Variants in TBC1D12 observed in about 807,000 individuals in gnomAD.
TBC1D12 encodes the protein TBC1 domain family member 12, also known as TBC1 domain family, member 12.
A neutral mutation model predicts 86.7 loss-of-function variants in TBC1D12; 56 were observed. The observed-to-expected ratio is 0.65, with a 90% CI of 0.52 to 0.81. TBC1D12 has a LOEUF of 0.81. Ranked by LOEUF, TBC1D12 falls within the 30% of genes least tolerant of loss-of-function variation. The probability of loss-of-function intolerance (pLI) is 0.00; values close to 1 mark genes in which losing one functional copy is unlikely to be tolerated. For synonymous variants in TBC1D12, 421 were observed against 411.7 expected (o/e 1.02, Z -0.27); for missense variants, 1,023 against 1,038.8 (o/e 0.98, Z 0.21).
At chr10:94,415,707 C>A (rs2054990780) in intron 1 of TBC1D12, among the ~76,000 whole-genome samples, 1 of 152,066 alleles carries the variant, frequency 6.6e-6, no homozygotes, top group Non-Finnish European at 1.5e-5. Context: ...GCACTCCAGC[C>A]TGGGCACTCC....
intron 1 of TBC1D12, among the ~76,000 whole-genome samples, chr10:94,403,988 G>T (rs1158132292): frequency 1.3e-5 from 2 of 152,088 alleles, no homozygotes; most frequent in East Asian, 3.9e-4. Context: ...TAGGTTGTTG[G>T]GGGGGTGGTG....
intron 6 of TBC1D12, among the ~76,000 whole-genome samples, chr10:94,504,621 C>A (rs1447242098): frequency 6.6e-6 from 1 of 152,128 alleles, no homozygotes; most frequent in Non-Finnish European, 1.5e-5. Flanking sequence ...TAAAGTCAGT[C>A]AAATATGGTT....
chr10:94,523,315 C>T (rs1392800746), intron 11 of TBC1D12, among the ~76,000 whole-genome samples: 2 of 150,206 alleles, frequency 1.3e-5, no homozygotes, highest in African/African-American at 2.4e-5. Context: ...TGAGTTGTAG[C>T]GAGGGTGTTT....
At chr10:94,449,516 T>C (rs1459377453) in intron 2 of TBC1D12, among the ~76,000 whole-genome samples, 1 of 152,218 alleles carries the variant, frequency 6.6e-6, no homozygotes, top group African/African-American at 2.4e-5. Context: ...TCCTCAGCTC[T>C]TAGATCAAGT....
rs748522296 is a variant in TBC1D12 at position 94,402,720 on chromosome 10, C to T, written c.107C>T (p.Thr36Met). Residue 36 changes from threonine to methionine, a missense_variant, in exon 1 of 13, where the codon ACG (threonine) becomes ATG (methionine). Transcript: ENST00000225235. ...CAGGACAGGAAGGTAATCCGGGCCA[C>T]GGGCGGCTTTGGCGGAGGCGTCGGC... ...VGQDRKVIRA[T>M]GGFGGGVGAV... is the part of the protein sequence containing the mutation. The T allele has an allele frequency of 3.0e-5, 48 of 1,576,110 alleles. No homozygotes were observed. In the East Asian group the frequency reaches 4.4e-4, roughly 15 times the overall value.
intron 9 of TBC1D12, among the ~76,000 whole-genome samples, chr10:94,520,816 C>T (rs370402593): frequency 1.5e-3 from 234 of 152,010 alleles, no homozygotes; most frequent in African/African-American, 5.3e-3. Context: ...CCTGCCACCA[C>T]GCCCGGTTAA....
At chr10:94,457,906 A>G (rs983035857) in intron 2 of TBC1D12, among the ~76,000 whole-genome samples, 8 of 152,136 alleles carry the variant, frequency 5.3e-5, no homozygotes, top group African/African-American at 1.9e-4. Context: ...TTTCATGTGT[A>G]ATGCAAATAC....
intron 11 of TBC1D12, among the ~76,000 whole-genome samples, chr10:94,524,822 AT>A (rs999477364): frequency 5.3e-5 from 8 of 149,694 alleles, no homozygotes; most frequent in African/African-American, 1.7e-4. Flanking sequence ...TCATTAAAAA[AT>A]TTTTTTTTTA....
chr10:94,403,980 G>C (rs1419871535), intron 1 of TBC1D12, among the ~76,000 whole-genome samples: 1 of 152,106 alleles, frequency 6.6e-6, no homozygotes, highest in African/African-American at 2.4e-5. Context: ...CAAACATTTA[G>C]GTTGTTGGGG....
At chr10:94,466,121 A>G (rs905178641) in intron 2 of TBC1D12, among the ~76,000 whole-genome samples, 3 of 151,976 alleles carry the variant, frequency 2.0e-5, no homozygotes, top group African/African-American at 7.2e-5. Flanking sequence ...AATAGCATAT[A>G]GTTGGGTCTT....
At chr10:94,521,233 A>C (rs1886271) in intron 9 of TBC1D12, among the ~76,000 whole-genome samples, 4,400 of 142,906 alleles carry the variant, frequency 0.031, 106 homozygotes, top group South Asian at 0.046. Context: ...AAAAAAAAAA[A>C]AAAACAAAAA....
At chr10:94,517,981 C>T (rs534500045) in intron 9 of TBC1D12, among the ~76,000 whole-genome samples, 104 of 152,060 alleles carry the variant, frequency 6.8e-4, no homozygotes, top group Non-Finnish European at 1.2e-3. Context: ...GGCGAAATCC[C>T]GTCTCTACTA....
intron 1 of TBC1D12, among the ~76,000 whole-genome samples, chr10:94,407,075 TTTAC>T (rs2054863708): frequency 6.6e-6 from 1 of 152,214 alleles, no homozygotes; most frequent in South Asian, 2.1e-4. Flanking sequence ...CAGTTTTATG[TTTAC>T]TTAAGTAAAG....
chr10:94,407,579 G>A (rs575518798), intron 1 of TBC1D12, among the ~76,000 whole-genome samples: 5 of 151,958 alleles, frequency 3.3e-5, no homozygotes, highest in Non-Finnish European at 7.4e-5. Context: ...AGCTACTAAG[G>A]AGGCTGAGGT....
intron 1 of TBC1D12, among the ~76,000 whole-genome samples, chr10:94,437,476 G>A (rs1192371759): frequency 4.6e-5 from 7 of 151,812 alleles, no homozygotes; most frequent in Non-Finnish European, 8.8e-5. Flanking sequence ...ACAGGCGCCC[G>A]CCACCATGCC....
At chr10:94,514,628 T>C (rs1299817274) in intron 9 of TBC1D12, among the ~76,000 whole-genome samples, 1 of 152,228 alleles carries the variant, frequency 6.6e-6, no homozygotes, top group Non-Finnish European at 1.5e-5. Context: ...ACAGTATTCT[T>C]TTGTATACAT....
chr10:94,463,408 C>T (rs1200973284), intron 2 of TBC1D12, among the ~76,000 whole-genome samples: 1 of 152,164 alleles, frequency 6.6e-6, no homozygotes, highest in Non-Finnish European at 1.5e-5. Context: ...CGTCATGTGG[C>T]AAGGGAGCTG....
At position 94,511,466 on chromosome 10, in the gene TBC1D12, A is replaced by G. The variant is rs537051958; in HGVS notation, c.1690-117A>G. 8.9e-5 allele frequency: 64 copies of G among 715,628 alleles called. No individual in the cohort carries two copies. In the African/African-American group the frequency reaches 1.0e-3, roughly 11 times the overall value. The allele number at this position is 715,628 out of a possible 1,614,324, so 44.3% of individuals were successfully genotyped here. A position where few individuals can be genotyped will look rare whatever the true frequency, so the allele number is the denominator to read the frequency against. On this transcript the variant is annotated intron_variant, in intron 8 of 12. Transcript: ENST00000225235. ...GCAGAGTACATTTATAATATTTTTT[A>G]TTAAATATGCTAAAACTAGTCATTT... is the stretch of plus-strand genomic sequence containing the variant.
chr10:94,518,221 T>A (rs1046275496), intron 9 of TBC1D12, among the ~76,000 whole-genome samples: 1 of 152,160 alleles, frequency 6.6e-6, no homozygotes, highest in African/African-American at 2.4e-5. Flanking sequence ...CTTTTCTTTT[T>A]CTTTTTTTTT....
Sources: allele counts gnomAD v4.1 joint callset (sites outside exome capture counted in the v4.1 genomes callset), GRCh38; gene constraint gnomAD v4.1.1; transcripts MANE v1.5; gene names NCBI Gene and HGNC (gene_info 2026-07-23, HGNC 2026-07-21).